FBLN7: variants seen among roughly 807,000 people sequenced by gnomAD.
The protein encoded by FBLN7 is fibulin 7.
FBLN7 carries 31 observed loss-of-function variants against 44.0 expected under a neutral mutation model. The observed-to-expected ratio is 0.70, with a 90% confidence interval of 0.53 to 0.95. FBLN7 has a LOEUF of 0.95. FBLN7 is among the 40% of genes least tolerant of loss of function. The pLI is 0.00. For missense variants in FBLN7, 573 were observed against 618.5 expected (o/e 0.93, Z 0.78); for synonymous variants, 262 against 253.4 (o/e 1.03, Z -0.32).
At chr2:112,176,997 A>G (rs1682768245) in intron 4 of FBLN7, 1 of 149,788 alleles carries the variant, frequency 6.7e-6, no homozygotes, top group African/African-American at 2.5e-5. Context: ...GTGCAGTGGC[A>G]CCATCTCAGC....
chr2:112,170,627 A>G (rs1682410785), intron 3 of FBLN7, among the ~76,000 whole-genome samples: 1 of 152,224 alleles, frequency 6.6e-6, no homozygotes, highest in Non-Finnish European at 1.5e-5. Context: ...TGAAAAATGA[A>G]ATTATAGAAC....
intron 1 of FBLN7, among the ~76,000 whole-genome samples, chr2:112,155,590 C>G (rs1465446508): frequency 3.3e-5 from 5 of 152,234 alleles, no homozygotes; most frequent in African/African-American, 1.2e-4. Context: ...TGTCTCCCTC[C>G]CCGCCTGGGA....
At chr2:112,242,482 T>C in the FBLN7 span, among the ~76,000 whole-genome samples, 15,235 of 152,234 alleles carry the variant, frequency 0.1, 1,058 homozygotes, top group East Asian at 0.33. Context: ...CAGTTATAAA[T>C]TGACAACATT....
At chr2:112,212,153 C>T in the FBLN7 span, 2 of 152,304 alleles carry the variant, frequency 1.3e-5, no homozygotes, top group Non-Finnish European at 1.5e-5. Flanking sequence ...TGTAGACAGC[C>T]ATTTTCTTGC....
chr2:112,206,255 C>T, the FBLN7 span, among the ~76,000 whole-genome samples: 1 of 152,126 alleles, frequency 6.6e-6, no homozygotes, highest in Non-Finnish European at 1.5e-5. Flanking sequence ...TTTTTGTCAT[C>T]TCTCTTTTGC....
intron 1 of FBLN7, among the ~76,000 whole-genome samples, chr2:112,155,734 G>A (rs1681377955): frequency 6.6e-6 from 1 of 152,232 alleles, no homozygotes; most frequent in Non-Finnish European, 1.5e-5. Flanking sequence ...CACGGAGCAG[G>A]AAGTGGCACC....
At chr2:112,161,032 C>G (rs1282039286) in intron 2 of FBLN7, among the ~76,000 whole-genome samples, 1 of 152,164 alleles carries the variant, frequency 6.6e-6, no homozygotes, top group Non-Finnish European at 1.5e-5. Flanking sequence ...AGGCTACAGC[C>G]GACACCCCAG....
downstream of FBLN7, among the ~76,000 whole-genome samples, chr2:112,192,779 G>C (rs1268590555): frequency 6.6e-6 from 1 of 152,170 alleles, no homozygotes. Flanking sequence ...AAACTTTTAT[G>C]ACTCTTAGCT....
the FBLN7 span, among the ~76,000 whole-genome samples, chr2:112,240,992 T>TGTGC: frequency 3.9e-3 from 565 of 143,832 alleles, 2 homozygotes; most frequent in Middle Eastern, 7.4e-3. Context: ...TGTGCGCGTG[T>TGTGC]GTATGTGTGT....
the FBLN7 span, among the ~76,000 whole-genome samples, chr2:112,221,333 G>A: frequency 2.6e-5 from 4 of 151,932 alleles, no homozygotes; most frequent in Non-Finnish European, 4.4e-5. Context: ...TTGTTTAAAA[G>A]TGTGTAGCTC....
At chr2:112,159,970 C>A (rs1411843847) in intron 2 of FBLN7, 135 bp downstream of exon 2, 7 of 600,794 alleles carry the variant, frequency 1.2e-5, no homozygotes, top group Admixed American at 4.4e-5. Context: ...TGTGGCCCCC[C>A]CTTTTTTATT....
At chr2:112,218,415 CA>C in the FBLN7 span, among the ~76,000 whole-genome samples, 1 of 152,200 alleles carries the variant, frequency 6.6e-6, no homozygotes, top group African/African-American at 2.4e-5. Context: ...TAAGGTATAG[CA>C]TATTTTATCA....
chr2:112,187,986 T>G lies in FBLN7; in HGVS notation c.*480T>G, dbSNP rs1322596796. 4 of 176,412 alleles carry G rather than the reference T, an allele frequency of 2.3e-5. No homozygotes were observed. Among genetic ancestry groups the G allele is most frequent in the African/African-American group, 9.5e-5 (4 of 42,082 alleles). The allele number at this position is 176,412 out of a possible 1,614,324, so 10.9% of individuals were successfully genotyped here. A position where few individuals can be genotyped will look rare whatever the true frequency, so the allele number is the denominator to read the frequency against. The stretch of plus-strand genomic sequence containing the variant: ...GCATAGGAAGTGGAGTCTCCTCCCA[T>G]GACCCAGCACGTTGTTCTTATCTGC... On this transcript the variant is annotated 3_prime_UTR_variant, in exon 8 of 8. Transcript: ENST00000331203. This position sits in a 1 kb window ranked among gnomAD's most constrained non-coding sequence, Gnocchi z 5.1.
chr2:112,174,839 A>G (rs1682654662), intron 3 of FBLN7, among the ~76,000 whole-genome samples: 1 of 152,186 alleles, frequency 6.6e-6, no homozygotes, highest in South Asian at 2.1e-4. Flanking sequence ...ACTCCCAAGT[A>G]GCTGGGATTA....
the FBLN7 span, among the ~76,000 whole-genome samples, chr2:112,200,576 C>A: frequency 6.6e-6 from 1 of 152,134 alleles, no homozygotes; most frequent in Non-Finnish European, 1.5e-5. Flanking sequence ...GCTCTGTCCC[C>A]CAGTCTGGAG....
At position 112,149,645 on chromosome 2, in the gene FBLN7, G is replaced by C. The variant is rs368899437; in HGVS notation, c.76-10031G>C. Among the ~76,000 whole-genome samples, 413 of 152,246 alleles carry C rather than the reference G, an allele frequency of 2.7e-3. 4 individuals are homozygous for C. The highest frequency in any genetic ancestry group is 9.7e-3 in the African/African-American group (401 of 41,534). ...GGCTCCAGAGAAGACTCCCAGGGTG[G>C]GTTGAACTTTCTTTATCCTTTCAAA... On this transcript the variant is annotated intron_variant, in intron 1 of 7. Coordinates refer to ENST00000331203, the MANE Select transcript of FBLN7 (RefSeq NM_153214.3).
At chr2:112,196,600 G>T in the FBLN7 span, among the ~76,000 whole-genome samples, 1 of 151,996 alleles carries the variant, frequency 6.6e-6, no homozygotes, top group African/African-American at 2.4e-5. Context: ...ACTCAGGCTA[G>T]AATGGCCTGT....
chr2:112,209,146 A>G, the FBLN7 span, among the ~76,000 whole-genome samples: 2 of 152,238 alleles, frequency 1.3e-5, no homozygotes, highest in East Asian at 3.8e-4. Context: ...TTCCGGATAA[A>G]GAAACTAAGT....
chr2:112,232,025 T>C, the FBLN7 span: 1 of 850,686 alleles, frequency 1.2e-6, no homozygotes, highest in Non-Finnish European at 1.7e-6. Flanking sequence ...TTATTTTTCC[T>C]AAATAAAGAC....
Sources: allele counts gnomAD v4.1 joint callset (sites outside exome capture counted in the v4.1 genomes callset), GRCh38; gene constraint gnomAD v4.1.1; non-coding constraint Gnocchi (gnomAD v3.1); transcripts MANE v1.5; gene names NCBI Gene and HGNC (gene_info 2026-07-23, HGNC 2026-07-21).